The following RAB27A variants were observed in gnomAD, a reference collection of about 807,000 sequenced individuals.
The protein encoded by RAB27A is ras-related protein Rab-27A.
Under a neutral mutation model 20.8 loss-of-function variants are expected in RAB27A, and 17 were observed. That is an observed-to-expected ratio of 0.82 (90% CI 0.56 to 1.23). The LOEUF (loss-of-function observed/expected upper bound fraction) is 1.23, where lower values mean the gene tolerates loss of function less well. Among genes scored for constraint, RAB27A ranks in the 50% most tolerant of loss-of-function variants. The probability of loss-of-function intolerance (pLI) is 0.00; values close to 1 mark genes in which losing one functional copy is unlikely to be tolerated. For missense variants in RAB27A, 277 were observed against 266.7 expected (o/e 1.04, Z -0.27); for synonymous variants, 85 against 92.8 (o/e 0.92, Z 0.48).
At chr15:55,205,994 TG>T (rs1385875233) in intron 6 of RAB27A, among the ~76,000 whole-genome samples, 1 of 151,950 alleles carries the variant, frequency 6.6e-6, no homozygotes, top group East Asian at 1.9e-4. Context: ...GCAGATCACC[TG>T]AGGTCAGGAG....
intron 2 of RAB27A, among the ~76,000 whole-genome samples, chr15:55,299,593 A>C (rs1318372170): frequency 9.7e-6 from 1 of 103,446 alleles, no homozygotes; most frequent in East Asian, 3.3e-4. Flanking sequence ...AATCTGTCTC[A>C]AAAAAAAAAA....
At chr15:55,208,206 C>A (rs1023085493) in intron 6 of RAB27A, among the ~76,000 whole-genome samples, 2 of 152,066 alleles carry the variant, frequency 1.3e-5, no homozygotes, top group African/African-American at 4.8e-5. Flanking sequence ...AAAAATTAAA[C>A]ATTGAATTAA....
At chr15:55,240,822 A>T (rs1210878939) in intron 2 of RAB27A, among the ~76,000 whole-genome samples, 1 of 152,184 alleles carries the variant, frequency 6.6e-6, no homozygotes, top group Admixed American at 6.6e-5. Context: ...CAGTCTTACA[A>T]TCCAAGACAT....
upstream of RAB27A, among the ~76,000 whole-genome samples, chr15:55,294,589 GAAAAAAA>G (rs1181179911): frequency 2.9e-3 from 86 of 29,178 alleles, 1 homozygote; most frequent in Non-Finnish European, 4.4e-3. Flanking sequence ...CCCTGTCTCC[GAAAAAAA>G]AAAAAAAAAA....
chr15:55,222,882 G>A (rs1895638873), intron 6 of RAB27A, among the ~76,000 whole-genome samples: 1 of 152,082 alleles, frequency 6.6e-6, no homozygotes, highest in Non-Finnish European at 1.5e-5. Context: ...GGTTCTCATT[G>A]TGTGAGAGGC....
chr15:55,301,432 G>C (rs1270914608), intron 2 of RAB27A, among the ~76,000 whole-genome samples: 1 of 150,564 alleles, frequency 6.6e-6, no homozygotes, highest in African/African-American at 2.4e-5. Flanking sequence ...TGACAGCTTT[G>C]AGATATAACT....
In RAB27A at chr15:55,299,280, C is replaced by G. The variant is rs553147527; in HGVS notation, c.-112+14759G>C. 5.9e-4 allele frequency among the ~76,000 whole-genome samples: 90 copies of G among 152,266 alleles called. 1 individual carries two copies. Among genetic ancestry groups the G allele is most frequent in the Non-Finnish European group, 9.4e-4 (64 of 68,014 alleles). The stretch of plus-strand genomic sequence containing the variant: ...CTTCTGCCATGGCTTCAGCCGGTCC[C>G]TCCATTTGGGGCCCCTGACTTCCCG... On this transcript the variant is annotated intron_variant, in intron 2 of 5. Coordinates refer to the RAB27A transcript ENST00000563262.
At chr15:55,264,215 T>G (rs1377716671) in intron 2 of RAB27A, among the ~76,000 whole-genome samples, 1 of 152,110 alleles carries the variant, frequency 6.6e-6, no homozygotes, top group Non-Finnish European at 1.5e-5. Context: ...CACATCCGGT[T>G]AATTTTTCTA....
intron 4 of RAB27A, among the ~76,000 whole-genome samples, chr15:55,229,712 CA>C (rs1895957875): frequency 1.3e-5 from 2 of 151,628 alleles, no homozygotes; most frequent in Non-Finnish European, 1.5e-5. Context: ...TACATTACCA[CA>C]AGTATTAAAA....
chr15:55,247,368 G>C (rs940814914), intron 2 of RAB27A, among the ~76,000 whole-genome samples: 1 of 151,050 alleles, frequency 6.6e-6, no homozygotes, highest in Non-Finnish European at 1.5e-5. Context: ...TTACAAATCA[G>C]ATAGCACTCA....
At chr15:55,257,149 G>C (rs972335926) in intron 2 of RAB27A, among the ~76,000 whole-genome samples, 1 of 152,210 alleles carries the variant, frequency 6.6e-6, no homozygotes. Context: ...AGTGGGGAAG[G>C]GAAAGAGTTG....
chr15:55,248,525 T>C (rs955402028), intron 2 of RAB27A, among the ~76,000 whole-genome samples: 2 of 152,198 alleles, frequency 1.3e-5, no homozygotes, highest in African/African-American at 4.8e-5. Flanking sequence ...TCAGGAAGAG[T>C]TTTTCCCCTG....
chr15:55,217,694 A>T (rs1595680371), intron 6 of RAB27A, among the ~76,000 whole-genome samples: 1 of 147,716 alleles, frequency 6.8e-6, no homozygotes, highest in African/African-American at 2.5e-5. Flanking sequence ...AAAAAAAAAA[A>T]ATTCAAGAGG....
intron 6 of RAB27A, among the ~76,000 whole-genome samples, chr15:55,213,798 G>A (rs900165185): frequency 1.3e-5 from 2 of 152,112 alleles, no homozygotes; most frequent in Admixed American, 6.5e-5. Flanking sequence ...CAAGCTCAGG[G>A]CTCCCACTGA....
chr15:55,207,122 A>T (rs1894690490), intron 6 of RAB27A, among the ~76,000 whole-genome samples: 1 of 152,208 alleles, frequency 6.6e-6, no homozygotes, highest in South Asian at 2.1e-4. Context: ...CAGATTGGCA[A>T]AAATATAGAA....
In RAB27A at chr15:55,236,090, A is replaced by T. The variant is rs569307322; in HGVS notation, c.-22-1134T>A. Among the ~76,000 whole-genome samples, 27 of 152,090 alleles carry T rather than the reference A, an allele frequency of 1.8e-4. No homozygotes were observed. The South Asian group carries it at 5.4e-3, about 30-fold the overall frequency. ...CACTGCTTGGGTGATGGGTGCACCA[A>T]AATCTCAGAAATCACCACTAAAGAA... On this transcript the variant is annotated intron_variant, in intron 2 of 6. Coordinates refer to ENST00000336787, the MANE Select transcript of RAB27A (RefSeq NM_183235.3).
chr15:55,232,417 T>C (rs1391059423), intron 3 of RAB27A, among the ~76,000 whole-genome samples: 2 of 152,152 alleles, frequency 1.3e-5, no homozygotes, highest in African/African-American at 4.8e-5. Context: ...ATGTCCAGTT[T>C]TCAGCAAAAC....
At chr15:55,206,201 A>C (rs1894643055) in intron 6 of RAB27A, 1 of 412,468 alleles carries the variant, frequency 2.4e-6, no homozygotes. Flanking sequence ...ATAGAGTTAG[A>C]CTGTCTCAAA....
In RAB27A at chr15:55,306,076, A is replaced by C. The variant is rs545026153; in HGVS notation, c.-112+7963T>G. Among the ~76,000 whole-genome samples, 19 of 152,320 alleles carry C rather than the reference A, an allele frequency of 1.2e-4. No homozygotes were observed. In the South Asian group the frequency reaches 3.3e-3, roughly 27 times the overall value. On this transcript the variant is annotated intron_variant, in intron 2 of 5. Coordinates refer to the RAB27A transcript ENST00000563262. ...ACAACAATAGGCTGAGGTACCACAG[A>C]CAAAAAATATTCCTGAGGGTAGGCA...
Sources: allele counts gnomAD v4.1 joint callset (sites outside exome capture counted in the v4.1 genomes callset), GRCh38; gene constraint gnomAD v4.1.1; transcripts MANE v1.5; gene names NCBI Gene and HGNC (gene_info 2026-07-23, HGNC 2026-07-21).